The following LINGO2 variants were observed in gnomAD, a reference collection of about 807,000 sequenced individuals.
LINGO2 encodes leucine rich repeat and Ig domain containing 2.
A neutral mutation model predicts 30.6 loss-of-function variants in LINGO2; 14 were observed. That is an observed-to-expected ratio of 0.46 (90% CI 0.30 to 0.72). The LOEUF (loss-of-function observed/expected upper bound fraction) is 0.72, where lower values mean the gene tolerates loss of function less well. Ranked by LOEUF, LINGO2 falls within the 30% of genes least tolerant of loss-of-function variation. The pLI, the probability that LINGO2 is intolerant of heterozygous loss-of-function variation, is 0.07. For missense variants in LINGO2, 729 were observed against 751.7 expected (o/e 0.97, Z 0.35); for synonymous variants, 317 against 288.5 (o/e 1.10, Z -1.00).
chr9:28,296,004 C>T (rs150712103), intron 3 of LINGO2, among the ~76,000 whole-genome samples: 1 of 152,216 alleles, frequency 6.6e-6, no homozygotes, highest in East Asian at 1.9e-4. Flanking sequence ...AAGAGAGTAA[C>T]CAATGTAAAT....
At chr9:29,167,526 A>C in the LINGO2 span, among the ~76,000 whole-genome samples, 1 of 152,162 alleles carries the variant, frequency 6.6e-6, no homozygotes, top group Non-Finnish European at 1.5e-5. Context: ...CATCTGAATG[A>C]TATTCCTTAA....
chr9:28,099,112 T>A (rs1214965965), intron 4 of LINGO2, among the ~76,000 whole-genome samples: 1 of 152,108 alleles, frequency 6.6e-6, no homozygotes, highest in East Asian at 1.9e-4. Context: ...ATAACATTAG[T>A]ATTACTAGTT....
the LINGO2 span, among the ~76,000 whole-genome samples, chr9:28,775,698 G>A: frequency 6.6e-6 from 1 of 152,266 alleles, no homozygotes; most frequent in Admixed American, 6.5e-5. Context: ...AACTATTAAA[G>A]ATGTAATTTT....
chr9:29,141,498 A>G, the LINGO2 span, among the ~76,000 whole-genome samples: 1 of 151,954 alleles, frequency 6.6e-6, no homozygotes, highest in Non-Finnish European at 1.5e-5. Flanking sequence ...AGAGAGGAAA[A>G]AAGGACAAAA....
intron 5 of LINGO2, among the ~76,000 whole-genome samples, chr9:27,962,355 T>C (rs1430332477): frequency 3.3e-5 from 5 of 152,160 alleles, no homozygotes; most frequent in African/African-American, 1.2e-4. Context: ...TTAGATTCCT[T>C]AATTTGGCTG....
the LINGO2 span, among the ~76,000 whole-genome samples, chr9:29,027,269 A>C: frequency 1.3e-5 from 2 of 152,210 alleles, no homozygotes; most frequent in African/African-American, 4.8e-5. Context: ...TAAATAATGA[A>C]TTGTCTTCAA....
the LINGO2 span, among the ~76,000 whole-genome samples, chr9:28,736,276 G>C: frequency 5.9e-5 from 9 of 152,134 alleles, no homozygotes; most frequent in African/African-American, 2.2e-4. Flanking sequence ...AATTTTCTGA[G>C]TTTACCAGGA....
intron 4 of LINGO2, among the ~76,000 whole-genome samples, chr9:28,258,485 C>G (rs1822454948): frequency 1.3e-5 from 2 of 151,628 alleles, no homozygotes; most frequent in South Asian, 2.1e-4. Context: ...TTTTCTGGAC[C>G]CTGAATTATT....
intron 4 of LINGO2, among the ~76,000 whole-genome samples, chr9:28,063,723 G>A (rs541416961): frequency 2.0e-5 from 3 of 152,126 alleles, no homozygotes; most frequent in South Asian, 2.1e-4. Flanking sequence ...AATTTGACAG[G>A]AGCTAACTCT....
At chr9:29,198,462 G>A in the LINGO2 span, among the ~76,000 whole-genome samples, 1 of 152,120 alleles carries the variant, frequency 6.6e-6, no homozygotes, top group African/African-American at 2.4e-5. Flanking sequence ...AAACTTTGAA[G>A]AAACTTCAGG....
At chr9:28,282,252 C>G (rs10123196) in intron 4 of LINGO2, among the ~76,000 whole-genome samples, 9,007 of 152,082 alleles carry the variant, frequency 0.059, 610 homozygotes, top group East Asian at 0.2. Flanking sequence ...ACACAGCTCA[C>G]AAGGGTGTCC....
At chr9:28,058,318 A>G (rs1252433690) in intron 4 of LINGO2, among the ~76,000 whole-genome samples, 1 of 152,178 alleles carries the variant, frequency 6.6e-6, no homozygotes, top group Non-Finnish European at 1.5e-5. Flanking sequence ...CCATTTTACA[A>G]TTAAGGAAAT....
chr9:28,888,858 A>G, the LINGO2 span: 1 of 533,480 alleles, frequency 1.9e-6, no homozygotes, highest in Non-Finnish European at 3.9e-6. Flanking sequence ...ATTGCAAAGC[A>G]GTAGAAATGA....
intron 1 of LINGO2, among the ~76,000 whole-genome samples, chr9:28,635,948 A>G (rs902968624): frequency 2.6e-5 from 4 of 152,166 alleles, no homozygotes; most frequent in Admixed American, 2.0e-4. Context: ...AACATTAGAT[A>G]TATCTCCTAA....
At chr9:28,916,169 C>T in the LINGO2 span, among the ~76,000 whole-genome samples, 85 of 152,244 alleles carry the variant, frequency 5.6e-4, no homozygotes, top group African/African-American at 1.9e-3. Context: ...ACAAAGCAGA[C>T]GCTTTGTTAC....
At chr9:28,612,174 G>C (rs1312202831) in intron 1 of LINGO2, among the ~76,000 whole-genome samples, 2 of 152,022 alleles carry the variant, frequency 1.3e-5, no homozygotes, top group Non-Finnish European at 2.9e-5. Flanking sequence ...CCATCCTTCT[G>C]CCTGTGCCTT....
At chr9:28,923,565 G>A in the LINGO2 span, among the ~76,000 whole-genome samples, 1 of 152,178 alleles carries the variant, frequency 6.6e-6, no homozygotes, top group African/African-American at 2.4e-5. Context: ...GGTTTGGCAT[G>A]TTCCAAGAGT....
Position 28,040,042 on chromosome 9 carries a change from A to G in LINGO2, c.-86-27637T>C, listed in dbSNP as rs1824126272. Among the ~76,000 whole-genome samples the G allele has an allele frequency of 2.6e-5, 4 of 152,250 alleles. No homozygotes were observed. In the South Asian group the frequency reaches 8.3e-4, roughly 32 times the overall value. ...TAATCAGCATGAGATAAGGTGAACT[A>G]TTTTCATCCTGGGAGACTTTTTCAA... On this transcript the variant is annotated intron_variant, in intron 4 of 5. Coordinates refer to ENST00000379992, the Ensembl canonical transcript of LINGO2.
the LINGO2 span, among the ~76,000 whole-genome samples, chr9:28,792,145 A>G: frequency 6.1e-3 from 931 of 151,924 alleles, 12 homozygotes; most frequent in African/African-American, 0.021. Context: ...CAATAAATAC[A>G]TTTTCTTGCC....
Sources: allele counts gnomAD v4.1 joint callset (sites outside exome capture counted in the v4.1 genomes callset), GRCh38; gene constraint gnomAD v4.1.1; transcripts MANE v1.5; gene names NCBI Gene and HGNC (gene_info 2026-07-23, HGNC 2026-07-21).